ST6GAL2: variants seen among roughly 807,000 people sequenced by gnomAD.
ST6GAL2 encodes the protein beta-galactoside alpha-2,6-sialyltransferase 2.
In ST6GAL2, 24 loss-of-function variants were observed where a neutral mutation model predicts 37.5. The observed-to-expected ratio is 0.64, with a 90% confidence interval of 0.46 to 0.90. The LOEUF is 0.90. Among genes scored for constraint, ST6GAL2 ranks in the 40% least tolerant of loss-of-function variants. ST6GAL2 has a pLI of 0.00. For synonymous variants in ST6GAL2, 306 were observed against 295.1 expected (o/e 1.04, Z -0.38); for missense variants, 715 against 712.7 (o/e 1.00, Z -0.04).
intron 1 of ST6GAL2, among the ~76,000 whole-genome samples, chr2:106,858,573 T>G (rs1677673957): frequency 6.6e-6 from 1 of 152,192 alleles, no homozygotes; most frequent in South Asian, 2.1e-4. Context: ...TAAGCCAGTT[T>G]CCTTTTGGCC....
At chr2:106,865,290 A>G (rs1677977057) in intron 1 of ST6GAL2, among the ~76,000 whole-genome samples, 1 of 152,210 alleles carries the variant, frequency 6.6e-6, no homozygotes, top group African/African-American at 2.4e-5. Flanking sequence ...CTCTGCCCTT[A>G]GAAGGGTACT....
At chr2:106,863,893 T>C (rs1448863917) in intron 1 of ST6GAL2, among the ~76,000 whole-genome samples, 1 of 152,188 alleles carries the variant, frequency 6.6e-6, no homozygotes, top group Non-Finnish European at 1.5e-5. Context: ...TTTCTGGAAG[T>C]GTGGTGCCTG....
chr2:106,812,958 A>T, intron 5 of ST6GAL2: 1 of 980,962 alleles, frequency 1.0e-6, no homozygotes, highest in Non-Finnish European at 1.3e-6. Context: ...ATCACTAATG[A>T]AAGTTTTACT....
chr2:106,858,361 T>C (rs1316337153), intron 1 of ST6GAL2, among the ~76,000 whole-genome samples: 2 of 152,218 alleles, frequency 1.3e-5, no homozygotes, highest in Admixed American at 6.5e-5. Context: ...GGATACTGTG[T>C]AGTTTTACTT....
At position 106,861,217 on chromosome 2, in the gene ST6GAL2, G is replaced by A. The variant is rs554369411; in HGVS notation, c.-57-17183C>T. On this transcript the variant is annotated intron_variant, in intron 1 of 5. Transcript: ENST00000409382. ...CTGAGATGACACCAAGAATCACAAA[G>A]CCTGAGGAATTCTGCTTTAATATCC... Among the ~76,000 whole-genome samples, 6 of 152,180 alleles carry A rather than the reference G, an allele frequency of 3.9e-5. No homozygotes were observed. In the East Asian group the frequency reaches 1.2e-3, roughly 29 times the overall value.
At chr2:106,854,524 T>C (rs1677495122) in intron 1 of ST6GAL2, among the ~76,000 whole-genome samples, 1 of 152,226 alleles carries the variant, frequency 6.6e-6, no homozygotes, top group Non-Finnish European at 1.5e-5. Context: ...TATATTATAC[T>C]AAATAATTTA....
At position 106,877,443 on chromosome 2, in the gene ST6GAL2, C is replaced by T. The variant is rs72933062; in HGVS notation, c.-58+8650G>A. 3.9e-3 allele frequency among the ~76,000 whole-genome samples: 591 copies of T among 152,346 alleles called. 1 individual carries two copies. Among genetic ancestry groups the T allele is most frequent in the African/African-American group, 0.014 (574 of 41,578 alleles). The stretch of plus-strand genomic sequence containing the variant: ...CTTCGTTGTGTGCAATGATGTCACT[C>T]GCCCAAGCGTCTGAACACATCAGCA... On this transcript the variant is annotated intron_variant, in intron 1 of 5. Transcript: ENST00000409382.
In ST6GAL2 at chr2:106,843,528, G is replaced by A. The variant is rs1279213386; in HGVS notation, c.450C>T (p.Phe150=). Residue 150 remains phenylalanine (F), a synonymous_variant, in exon 2 of 6, where the codon TTC becomes TTT. Transcript: ENST00000409382. The part of the protein sequence containing the change: ...WHSHTQGTLG[F]PSPGEPGPRE... Reference sequence around the variant, plus strand: ...GTGGGCCTGGCTCCCCGGGGGAAGGGAATCCCAATGTCCCCTGAGTGTGGC... The same window carrying A: ...GTGGGCCTGGCTCCCCGGGGGAAGGAAATCCCAATGTCCCCTGAGTGTGGC... 1 of 1,614,014 alleles carries A rather than the reference G, an allele frequency of 6.2e-7. No individual in the cohort carries two copies. Among genetic ancestry groups the A allele is most frequent in the South Asian group, 1.1e-5 (1 of 91,080 alleles).
At chr2:106,886,447 C>T (rs140937216), upstream of ST6GAL2, 1 of 152,114 alleles carries the variant, frequency 6.6e-6, no homozygotes, top group African/African-American at 2.4e-5. Context: ...CAGCGCTGCT[C>T]CGCGCCGGCG....
At chr2:106,823,043 T>C (rs1676064796) in intron 5 of ST6GAL2, 1 of 152,206 alleles carries the variant, frequency 6.6e-6, no homozygotes, top group South Asian at 2.1e-4. Flanking sequence ...AAAATACTTT[T>C]GGTGAAGAGG....
At chr2:106,869,266 A>G (rs1277328851) in intron 1 of ST6GAL2, among the ~76,000 whole-genome samples, 3 of 152,162 alleles carry the variant, frequency 2.0e-5, no homozygotes, top group Non-Finnish European at 4.4e-5. Context: ...GGTACAACCA[A>G]TGGGGAAAGG....
At chr2:106,813,181 C>A (rs80006419) in intron 5 of ST6GAL2, 2 of 1,342,860 alleles carry the variant, frequency 1.5e-6, no homozygotes. Flanking sequence ...CGCGTGATCT[C>A]GGCTCACTGC....
intron 5 of ST6GAL2, among the ~76,000 whole-genome samples, chr2:106,826,856 A>T (rs1273006168): frequency 6.6e-6 from 1 of 152,228 alleles, no homozygotes; most frequent in East Asian, 1.9e-4. Flanking sequence ...ATATACATGT[A>T]TCTAATGAGC....
chr2:106,866,166 A>C (rs2104598528), intron 1 of ST6GAL2, among the ~76,000 whole-genome samples: 1 of 152,330 alleles, frequency 6.6e-6, no homozygotes, highest in East Asian at 1.9e-4. Context: ...TTTATGATGA[A>C]GAAATGAAGA....
At position 106,809,649 on chromosome 2, in the gene ST6GAL2, C is replaced by T. The variant is rs530738943; in HGVS notation, c.1319-2700G>A. Among the ~76,000 whole-genome samples the T allele has an allele frequency of 2.6e-5, 4 of 152,300 alleles. 1 individual carries two copies. Among genetic ancestry groups the T allele is most frequent in the Admixed American group, 2.6e-4 (4 of 15,302 alleles). ...AGGTTCCTGGGACTTGTCTTCATTTCCAGAAATTCAGGTTCTATTGGTTTG... is the reference window on the plus strand; with the variant it reads ...AGGTTCCTGGGACTTGTCTTCATTTTCAGAAATTCAGGTTCTATTGGTTTG... On this transcript the variant is annotated intron_variant, in intron 5 of 5. Transcript: ENST00000409382.
chr2:106,857,762 C>T (rs539026863), intron 1 of ST6GAL2, among the ~76,000 whole-genome samples: 1 of 152,234 alleles, frequency 6.6e-6, no homozygotes, highest in African/African-American at 2.4e-5. Flanking sequence ...TCATCTTGAC[C>T]TGAGTGTTCT....
At chr2:106,841,225 C>T (rs140234927) in intron 2 of ST6GAL2, 1 of 152,216 alleles carries the variant, frequency 6.6e-6, no homozygotes, top group Non-Finnish European at 1.5e-5. Context: ...AGCCTGCCTA[C>T]AGTGGCTTCA....
rs1295558233 is a variant in ST6GAL2, at chr2:106,805,283, G to A, written c.*1395C>T. On this transcript the variant is annotated 3_prime_UTR_variant, in exon 6 of 6. Coordinates refer to ENST00000409382, the MANE Select transcript of ST6GAL2 (RefSeq NM_001142351.2). ...TGCAACAAGTCTTAACTGTACCATGGAGATATGTTTTGGTTATACATTGAA... is the reference window on the plus strand; with the variant it reads ...TGCAACAAGTCTTAACTGTACCATGAAGATATGTTTTGGTTATACATTGAA... The A allele has an allele frequency of 6.6e-6, 1 of 152,172 alleles. No homozygotes were observed. Among genetic ancestry groups the A allele is most frequent in the Non-Finnish European group, 1.5e-5 (1 of 68,034 alleles). The allele number at this position is 152,172 out of a possible 1,614,324, so 9.4% of individuals were successfully genotyped here.
At chr2:106,848,500 G>T (rs1677233811) in intron 1 of ST6GAL2, among the ~76,000 whole-genome samples, 1 of 152,238 alleles carries the variant, frequency 6.6e-6, no homozygotes, top group South Asian at 2.1e-4. Flanking sequence ...AGGCAAAGAT[G>T]AGATGTGTGC....
Sources: allele counts gnomAD v4.1 joint callset (sites outside exome capture counted in the v4.1 genomes callset), GRCh38; gene constraint gnomAD v4.1.1; transcripts MANE v1.5; gene names NCBI Gene and HGNC (gene_info 2026-07-23, HGNC 2026-07-21).